CADPS2: variants seen among roughly 807,000 people sequenced by gnomAD.
The protein encoded by CADPS2 is calcium dependent secretion activator 2, also known as calcium-dependent secretion activator 2.
A neutral mutation model predicts 172.5 loss-of-function variants in CADPS2; 93 were observed. The ratio of observed to expected loss-of-function variants is 0.54; its 90% CI spans 0.46 to 0.64. CADPS2 has a LOEUF of 0.64. Among genes scored for constraint, CADPS2 ranks in the 30% least tolerant of loss-of-function variants. The pLI is 0.00. For synonymous variants in CADPS2, 546 were observed against 555.2 expected (o/e 0.98, Z 0.23); for missense variants, 1,420 against 1,565.9 (o/e 0.91, Z 1.57).
At chr7:122,608,346 G>A (rs2073864016) in intron 6 of CADPS2, among the ~76,000 whole-genome samples, 1 of 152,088 alleles carries the variant, frequency 6.6e-6, no homozygotes, top group Non-Finnish European at 1.5e-5. Flanking sequence ...GAATTAAAAT[G>A]GAAACTAATA....
At chr7:122,410,795 G>A (rs909521433) in intron 19 of CADPS2, among the ~76,000 whole-genome samples, 3 of 152,198 alleles carry the variant, frequency 2.0e-5, no homozygotes, top group Non-Finnish European at 4.4e-5. Flanking sequence ...GTGAGTTTAT[G>A]TGTTTTAAAA....
intron 6 of CADPS2, among the ~76,000 whole-genome samples, chr7:122,610,773 T>C (rs2074197130): frequency 6.6e-6 from 1 of 152,118 alleles, no homozygotes; most frequent in Admixed American, 6.6e-5. Flanking sequence ...TCCCTCAAAA[T>C]CTCATGGATT....
At chr7:122,691,217 C>T (rs1045133629) in intron 2 of CADPS2, among the ~76,000 whole-genome samples, 1 of 152,224 alleles carries the variant, frequency 6.6e-6, no homozygotes, top group Admixed American at 6.5e-5. Flanking sequence ...CTGCCACACT[C>T]TTATGAGCCT....
chr7:122,557,162 A>T (rs1016504511), intron 7 of CADPS2, among the ~76,000 whole-genome samples: 1 of 152,128 alleles, frequency 6.6e-6, no homozygotes, highest in Non-Finnish European at 1.5e-5. Context: ...CTGAACTTAA[A>T]CTTCAAAATG....
chr7:122,361,341 C>A (rs1375968063), intron 25 of CADPS2, among the ~76,000 whole-genome samples: 9 of 148,668 alleles, frequency 6.1e-5, no homozygotes, highest in Non-Finnish European at 1.3e-4. Flanking sequence ...TCAAACTATT[C>A]TCCTGCCTCA....
rs73222415 is a variant in CADPS2 at position 122,804,935 on chromosome 7, G to C, written c.340-67867C>G. ...AACAATGAATAAGCTCTGGGGATTG[G>C]TAAATAGAATTCTTATCTATCACAA... On this transcript the variant is annotated intron_variant, in intron 1 of 29. Transcript: ENST00000449022. Among the ~76,000 whole-genome samples the C allele has an allele frequency of 4.9e-3, 739 of 152,276 alleles. 6 individuals carry two copies. Among genetic ancestry groups the C allele is most frequent in the Non-Finnish European group, 8.1e-3 (553 of 68,008 alleles).
At chr7:122,659,656 C>T (rs2135276358) in intron 3 of CADPS2, among the ~76,000 whole-genome samples, 1 of 151,988 alleles carries the variant, frequency 6.6e-6, no homozygotes, top group Non-Finnish European at 1.5e-5. Flanking sequence ...CTCAGAAAAA[C>T]ACCAAGCAAA....
At chr7:122,380,162 T>C (rs2151359584) in intron 24 of CADPS2, among the ~76,000 whole-genome samples, 1 of 152,266 alleles carries the variant, frequency 6.6e-6, no homozygotes, top group South Asian at 2.1e-4. Flanking sequence ...TTTTTTTCTT[T>C]CTTTAGAGAA....
intron 1 of CADPS2, among the ~76,000 whole-genome samples, chr7:122,882,671 C>CT (rs1478434325): frequency 1.5e-5 from 2 of 137,930 alleles, no homozygotes; most frequent in Middle Eastern, 3.8e-3. Flanking sequence ...TTTCATAAGT[C>CT]TAACAAATTG....
chr7:122,442,902 C>A (rs757496078), intron 15 of CADPS2, among the ~76,000 whole-genome samples: 20 of 152,112 alleles, frequency 1.3e-4, no homozygotes, highest in Admixed American at 4.6e-4. Context: ...AAAGCCATAA[C>A]CAATTTATTT....
intron 4 of CADPS2, among the ~76,000 whole-genome samples, chr7:122,622,048 T>G (rs1430533571): frequency 1.3e-5 from 2 of 152,208 alleles, no homozygotes; most frequent in Non-Finnish European, 2.9e-5. Flanking sequence ...TAGATGAACC[T>G]TAGCCACTAG....
chr7:122,727,807 T>A (rs1240405385), intron 2 of CADPS2, among the ~76,000 whole-genome samples: 2 of 151,924 alleles, frequency 1.3e-5, no homozygotes, highest in African/African-American at 4.8e-5. Context: ...GTGCAAATTC[T>A]TACTCAACAC....
intron 1 of CADPS2, among the ~76,000 whole-genome samples, chr7:122,760,202 T>A (rs986830473): frequency 1.3e-5 from 2 of 151,936 alleles, no homozygotes; most frequent in Non-Finnish European, 2.9e-5. Flanking sequence ...TATTAAGCAC[T>A]GTATATGCTA....
chr7:122,616,001 A>G (rs1386035622), intron 5 of CADPS2, among the ~76,000 whole-genome samples: 1 of 152,048 alleles, frequency 6.6e-6, no homozygotes, highest in African/African-American at 2.4e-5. Context: ...CTCCTGGGAG[A>G]AAGGACAACA....
chr7:122,788,434 G>C (rs1043600114), intron 1 of CADPS2, among the ~76,000 whole-genome samples: 1 of 152,302 alleles, frequency 6.6e-6, no homozygotes, highest in African/African-American at 2.4e-5. Context: ...AAGCAAACAG[G>C]ACCCTGGTCC....
At chr7:122,512,049 C>G (rs1307008705) in intron 9 of CADPS2, among the ~76,000 whole-genome samples, 2 of 151,876 alleles carry the variant, frequency 1.3e-5, no homozygotes, top group Non-Finnish European at 2.9e-5. Context: ...TAAAGTTGAC[C>G]AACTATTAGT....
At chr7:122,488,469 A>T (rs540510503) in intron 11 of CADPS2, among the ~76,000 whole-genome samples, 1 of 152,336 alleles carries the variant, frequency 6.6e-6, no homozygotes, top group Non-Finnish European at 1.5e-5. Context: ...ATCTGATGAA[A>T]ATGATGTAAG....
chr7:122,723,791 A>G (rs2090762694), intron 2 of CADPS2, among the ~76,000 whole-genome samples: 1 of 152,178 alleles, frequency 6.6e-6, no homozygotes, highest in Non-Finnish European at 1.5e-5. Flanking sequence ...ATGTCCATCA[A>G]TGATAGACTG....
At chr7:122,744,584 G>A (rs1588936507) in intron 1 of CADPS2, among the ~76,000 whole-genome samples, 1 of 152,252 alleles carries the variant, frequency 6.6e-6, no homozygotes, top group East Asian at 1.9e-4. Flanking sequence ...TGAAAACAAA[G>A]TTATTTTGGC....
Sources: gnomAD v4.1 joint callset for allele counts (sites outside exome capture counted in the v4.1 genomes callset) on GRCh38, gnomAD v4.1.1 for gene constraint, MANE v1.5 for transcripts, NCBI Gene and HGNC (gene_info 2026-07-23, HGNC 2026-07-21) for gene names.